The following IGSF5 variants were observed in gnomAD, a reference collection of about 807,000 sequenced individuals.
The protein encoded by IGSF5 is immunoglobulin superfamily 5 like.
IGSF5 carries 41 observed loss-of-function variants against 39.4 expected under a neutral mutation model. That is an observed-to-expected ratio of 1.04 (90% CI 0.81 to 1.35). The LOEUF is 1.35. IGSF5 is among the 40% of genes most tolerant of loss of function. The pLI is 0.00. For missense variants in IGSF5, 487 were observed against 494.6 expected (o/e 0.98, Z 0.15); for synonymous variants, 183 against 175.3 (o/e 1.04, Z -0.34).
the IGSF5 span, among the ~76,000 whole-genome samples, chr21:39,727,254 G>T: frequency 6.6e-6 from 1 of 152,174 alleles, no homozygotes; most frequent in Admixed American, 6.5e-5. Context: ...TTCTGCTGAG[G>T]TTCACAGTAA....
At chr21:39,787,989 C>G (rs1181841856) in intron 5 of IGSF5, among the ~76,000 whole-genome samples, 178 bp from the exon 6 acceptor site, 1 of 152,160 alleles carries the variant, frequency 6.6e-6, no homozygotes, top group Admixed American at 6.5e-5. Context: ...GTGAATTCTA[C>G]TTTCCTATGC....
At chr21:39,791,847 C>G in intron 6 of IGSF5, 161 bp from the exon 7 acceptor site, 1 of 586,408 alleles carries the variant, frequency 1.7e-6, no homozygotes, top group South Asian at 2.4e-5. Flanking sequence ...GCGTGCATAC[C>G]TGCAACGCAG....
At chr21:39,734,696 T>G in the IGSF5 span, among the ~76,000 whole-genome samples, 288 of 152,200 alleles carry the variant, frequency 1.9e-3, no homozygotes, top group African/African-American at 6.7e-3. Flanking sequence ...ATTGTAATGG[T>G]AGAAATTGAA....
chr21:39,760,449 C>T (rs2080055426), intron 2 of IGSF5, among the ~76,000 whole-genome samples: 3 of 152,080 alleles, frequency 2.0e-5, no homozygotes, highest in Admixed American at 2.0e-4. Flanking sequence ...CCGGTCACTG[C>T]ACATGTGAGA....
the IGSF5 span, among the ~76,000 whole-genome samples, chr21:39,735,030 A>G: frequency 6.6e-6 from 1 of 151,904 alleles, no homozygotes; most frequent in Non-Finnish European, 1.5e-5. Flanking sequence ...CACCTGGATA[A>G]TTTTTGTATT....
intron 5 of IGSF5, among the ~76,000 whole-genome samples, chr21:39,787,555 T>TTG (rs946438307): frequency 1.0e-4 from 15 of 149,214 alleles, no homozygotes; most frequent in Non-Finnish European, 1.9e-4. Flanking sequence ...TGACAGTGTT[T>TTG]TTTTTTTTTT....
the IGSF5 span, among the ~76,000 whole-genome samples, chr21:39,712,049 G>A: frequency 2.6e-5 from 4 of 152,200 alleles, no homozygotes; most frequent in African/African-American, 4.8e-5. Context: ...GCCACTGGGA[G>A]CAATCATAAG....
chr21:39,791,929 C>G, intron 6 of IGSF5, 79 bp from the exon 7 acceptor site: 2 of 868,834 alleles, frequency 2.3e-6, no homozygotes, highest in Admixed American at 4.1e-5. Context: ...ACGTGAACTA[C>G]GTAGGTATCC....
intron 2 of IGSF5, among the ~76,000 whole-genome samples, chr21:39,753,518 ATTGTTTCT>A (rs1446145743): frequency 6.6e-6 from 1 of 152,110 alleles, no homozygotes; most frequent in African/African-American, 2.4e-5. Context: ...GTTTATGTCC[ATTGTTTCT>A]TTGTTGACTT....
At chr21:39,792,676 CAG>C (rs1302219669) in intron 7 of IGSF5, among the ~76,000 whole-genome samples, 2 of 152,074 alleles carry the variant, frequency 1.3e-5, no homozygotes, top group Non-Finnish European at 2.9e-5. Flanking sequence ...TTGAATGTAA[CAG>C]GGAGTTGGGA....
At chr21:39,790,983 GC>G (rs1399112800) in intron 6 of IGSF5, among the ~76,000 whole-genome samples, 1 of 152,202 alleles carries the variant, frequency 6.6e-6, no homozygotes, top group Non-Finnish European at 1.5e-5. Flanking sequence ...ATATGCATAT[GC>G]AAATCCTACA....
intron 8 of IGSF5, among the ~76,000 whole-genome samples, chr21:39,794,825 T>G (rs1270333233): frequency 6.6e-6 from 1 of 152,134 alleles, no homozygotes; most frequent in East Asian, 1.9e-4. Context: ...TGGCCCCTGA[T>G]CATTCTTTCT....
chr21:39,739,419 G>T, the IGSF5 span, among the ~76,000 whole-genome samples: 17 of 151,986 alleles, frequency 1.1e-4, no homozygotes, highest in African/African-American at 4.1e-4. Context: ...ACAGATGATT[G>T]GTTATTTCTT....
At chr21:39,751,622 TG>T (rs904472977) in intron 2 of IGSF5, among the ~76,000 whole-genome samples, 9 of 89,264 alleles carry the variant, frequency 1.0e-4, no homozygotes, top group African/African-American at 2.9e-4. Context: ...TTTGATGGGC[TG>T]GGGGGGGTGG....
Position 39,801,341 on chromosome 21 carries a change from A to G in IGSF5, c.1208A>G (p.Asn403Ser). The G allele has an allele frequency of 1.2e-6, 2 of 1,613,418 alleles. No individual in the cohort carries two copies. The highest frequency in any genetic ancestry group is 4.5e-5 in the East Asian group (2 of 44,876). Reference protein sequence around the residue: ...FNLASPEKVSNTTVV With the variant: ...FNLASPEKVSSTTVV ...CTGGCCAGTCCTGAGAAGGTCAGTA[A>G]TACAACTGTAGTATAGCAAAGCCTT... The change falls in exon 9 of 9, where the codon AAT (asparagine) becomes AGT (serine). Residue 403 changes from asparagine (N) to serine (S), a missense_variant. Asn to Ser is a conservative substitution (Grantham distance 46). Transcript: ENST00000380588.
chr21:39,720,486 A>G, the IGSF5 span, among the ~76,000 whole-genome samples: 1 of 152,210 alleles, frequency 6.6e-6, no homozygotes, highest in African/African-American at 2.4e-5. Flanking sequence ...AACATCTTAC[A>G]TAAGTATGGT....
At chr21:39,762,028 G>T (rs1375362457) in intron 2 of IGSF5, among the ~76,000 whole-genome samples, 1 of 152,146 alleles carries the variant, frequency 6.6e-6, no homozygotes, top group Non-Finnish European at 1.5e-5. Flanking sequence ...TGCCTGGTAG[G>T]ACAGGAGAGA....
chr21:39,755,796 T>C lies in IGSF5; in HGVS notation c.100+9498T>C, dbSNP rs137972016. On this transcript the variant is annotated intron_variant, in intron 2 of 8. Coordinates refer to ENST00000380588, the MANE Select transcript of IGSF5 (RefSeq NM_001080444.2). ...CAGTGAAATGGTGCTGCAGCACAGG[T>C]ATTTCAAACCTTATATTAAATTACG... Among the ~76,000 whole-genome samples, 344 of 152,046 alleles carry C rather than the reference T, an allele frequency of 2.3e-3. 1 individual carries two copies. Among genetic ancestry groups the C allele is most frequent in the African/African-American group, 8.0e-3 (331 of 41,484 alleles).
chr21:39,729,980 G>A, the IGSF5 span: 1 of 152,038 alleles, frequency 6.6e-6, no homozygotes, highest in African/African-American at 2.4e-5. Flanking sequence ...CCAACAGTGT[G>A]GATCAGTTTC....
Sources: gnomAD v4.1 joint callset for allele counts (sites outside exome capture counted in the v4.1 genomes callset) on GRCh38, gnomAD v4.1.1 for gene constraint, MANE v1.5 for transcripts, NCBI Gene and HGNC (gene_info 2026-07-23, HGNC 2026-07-21) for gene names.